The following FRMD4B variants were observed in gnomAD, a reference collection of about 807,000 sequenced individuals.
FRMD4B encodes the protein FERM domain-containing protein 4B.
FRMD4B carries 74 observed loss-of-function variants against 141.5 expected under a neutral mutation model. That is an observed-to-expected ratio of 0.52 (90% CI 0.43 to 0.63). The LOEUF (loss-of-function observed/expected upper bound fraction) is 0.63. Ranked by LOEUF, FRMD4B falls within the 30% of genes least tolerant of loss-of-function variation. FRMD4B has a pLI of 0.00. For missense variants in FRMD4B, 1,366 were observed against 1,253.4 expected (o/e 1.09, Z -1.36); for synonymous variants, 506 against 467.9 (o/e 1.08, Z -1.05).
At position 69,196,285 on chromosome 3, in the gene FRMD4B, T is replaced by G; in HGVS notation, c.1204A>C (p.Met402Leu). 1 of 1,608,664 alleles carries G rather than the reference T, an allele frequency of 6.2e-7. No individual in the cohort carries two copies. The highest frequency in any genetic ancestry group is 1.1e-5 in the South Asian group (1 of 89,942). ...VTLETKSQFIMASNGSLISSG... is the reference protein window; with the variant it reads ...VTLETKSQFILASNGSLISSG... ...GAGATTAAACTGCCATTACTTGCCA[T>G]GATGAACTGACTTTTCGTCTCCAGT... is the stretch of plus-strand genomic sequence containing the variant. The change falls in exon 14 of 23, where the codon ATG (methionine) becomes CTG (leucine). Residue 402 changes from methionine (M) to leucine (L), a missense_variant. Coordinates refer to ENST00000398540, the MANE Select transcript of FRMD4B (RefSeq NM_015123.3).
At chr3:69,476,666 A>G (rs1706005884) in intron 1 of FRMD4B, among the ~76,000 whole-genome samples, 2 of 152,168 alleles carry the variant, frequency 1.3e-5, no homozygotes, top group South Asian at 2.1e-4. Context: ...CTTTTGGCTT[A>G]GGATTGACTT....
intron 1 of FRMD4B, among the ~76,000 whole-genome samples, chr3:69,462,169 T>G (rs185939909): frequency 6.6e-6 from 1 of 152,146 alleles, no homozygotes; most frequent in Non-Finnish European, 1.5e-5. Flanking sequence ...TGCCAAAACA[T>G]GGTGTCTTCG....
chr3:69,392,146 AC>A (rs1559844146), intron 2 of FRMD4B, among the ~76,000 whole-genome samples: 1 of 152,240 alleles, frequency 6.6e-6, no homozygotes, highest in African/African-American at 2.4e-5. Flanking sequence ...TTGAGTTCGC[AC>A]TATGCATCAG....
At chr3:69,486,980 A>G (rs1350011864) in intron 1 of FRMD4B, among the ~76,000 whole-genome samples, 1 of 152,210 alleles carries the variant, frequency 6.6e-6, no homozygotes, top group Non-Finnish European at 1.5e-5. Flanking sequence ...ATATTCCTTA[A>G]AAGATAAATT....
At chr3:69,395,626 T>C (rs1426127900) in intron 2 of FRMD4B, among the ~76,000 whole-genome samples, 3 of 152,084 alleles carry the variant, frequency 2.0e-5, no homozygotes, top group Admixed American at 2.0e-4. Context: ...AAGTCTAGCA[T>C]CCCAAAAAAG....
intron 5 of FRMD4B, among the ~76,000 whole-genome samples, chr3:69,267,595 GTA>G (rs869255944): frequency 4.1e-5 from 4 of 98,208 alleles, no homozygotes; most frequent in African/African-American, 1.8e-4. Flanking sequence ...GTGTGTGTGT[GTA>G]TATATATATA....
At chr3:69,498,010 T>C (rs542160324) in intron 1 of FRMD4B, among the ~76,000 whole-genome samples, 8 of 152,320 alleles carry the variant, frequency 5.3e-5, no homozygotes, top group Non-Finnish European at 1.0e-4. Flanking sequence ...AGACATTACT[T>C]TTTAAATTGC....
chr3:69,371,493 T>C (rs1344898610), intron 1 of FRMD4B, among the ~76,000 whole-genome samples: 2 of 152,160 alleles, frequency 1.3e-5, no homozygotes, highest in Non-Finnish European at 2.9e-5. Context: ...TGACACGATC[T>C]GACTTACTTT....
At chr3:69,497,762 T>C (rs995895467) in intron 1 of FRMD4B, among the ~76,000 whole-genome samples, 1 of 151,964 alleles carries the variant, frequency 6.6e-6, no homozygotes. Flanking sequence ...CAGGCTGGAG[T>C]GCAATGGTTC....
intron 12 of FRMD4B, among the ~76,000 whole-genome samples, chr3:69,197,292 C>T (rs2092918097): frequency 1.3e-5 from 2 of 152,110 alleles, no homozygotes; most frequent in African/African-American, 2.4e-5. Context: ...GATAAAGAAT[C>T]AGTCAAATTA....
At chr3:69,244,830 G>T (rs1363291439) in intron 7 of FRMD4B, among the ~76,000 whole-genome samples, 3 of 152,126 alleles carry the variant, frequency 2.0e-5, no homozygotes, top group African/African-American at 7.2e-5. Flanking sequence ...GGAGGTGGAG[G>T]TTGCAATGAG....
intron 2 of FRMD4B, among the ~76,000 whole-genome samples, chr3:69,391,408 CCCA>C (rs1365532280): frequency 7.9e-6 from 1 of 125,998 alleles, no homozygotes; most frequent in Non-Finnish European, 1.6e-5. Context: ...CTCCCCCCAC[CCCA>C]CGACAGGCCC....
chr3:69,237,267 T>C (rs1350047989), intron 7 of FRMD4B, among the ~76,000 whole-genome samples: 1 of 152,230 alleles, frequency 6.6e-6, no homozygotes, highest in Non-Finnish European at 1.5e-5. Flanking sequence ...GTGCCAGCCC[T>C]TGCTCTCCTC....
At chr3:69,342,603 A>G (rs1702775481) in intron 1 of FRMD4B, among the ~76,000 whole-genome samples, 2 of 152,220 alleles carry the variant, frequency 1.3e-5, no homozygotes, top group Non-Finnish European at 2.9e-5. Flanking sequence ...CTTATTAGGT[A>G]CTTCAGTGCC....
At chr3:69,470,878 T>G (rs1705877039) in intron 1 of FRMD4B, among the ~76,000 whole-genome samples, 1 of 152,222 alleles carries the variant, frequency 6.6e-6, no homozygotes, top group Non-Finnish European at 1.5e-5. Context: ...TGTAAGCACT[T>G]AGGCTAAATA....
chr3:69,273,881 GA>G (rs2093606134), intron 5 of FRMD4B, among the ~76,000 whole-genome samples: 1 of 141,126 alleles, frequency 7.1e-6, no homozygotes. Context: ...GAGGTTGAAA[GA>G]ATTTAACTCC....
intron 5 of FRMD4B, among the ~76,000 whole-genome samples, chr3:69,256,766 C>CTGGAAA: frequency 6.6e-6 from 1 of 152,276 alleles, no homozygotes; most frequent in South Asian, 2.1e-4. Flanking sequence ...GTTACTCTGC[C>CTGGAAA]CCCTAGAAAG....
intron 11 of FRMD4B, among the ~76,000 whole-genome samples, chr3:69,199,791 T>A (rs2092948182): frequency 6.6e-6 from 1 of 152,250 alleles, no homozygotes; most frequent in African/African-American, 2.4e-5. Flanking sequence ...ACTAGCAATG[T>A]GCATTTGAAA....
At chr3:69,531,615 C>G (rs763514409) in intron 1 of FRMD4B, among the ~76,000 whole-genome samples, 1 of 152,222 alleles carries the variant, frequency 6.6e-6, no homozygotes, top group Non-Finnish European at 1.5e-5. Context: ...ACATTTCCCA[C>G]TCATCATTTA....
Sources: allele counts gnomAD v4.1 joint callset (sites outside exome capture counted in the v4.1 genomes callset), GRCh38; gene constraint gnomAD v4.1.1; transcripts MANE v1.5; gene names NCBI Gene and HGNC (gene_info 2026-07-23, HGNC 2026-07-21).